The following ACOXL variants were observed in gnomAD, a reference collection of about 807,000 sequenced individuals.
ACOXL encodes the protein acyl-CoA oxidase like.
In ACOXL, 70 loss-of-function variants were observed where a neutral mutation model predicts 71.9. The observed-to-expected ratio is 0.97, with a 90% CI of 0.80 to 1.19. The LOEUF is 1.19. Ranked by LOEUF, ACOXL falls within the 50% of genes most tolerant of loss-of-function variation. The pLI is 0.00. For missense variants in ACOXL, 703 were observed against 736.3 expected (o/e 0.95, Z 0.52); for synonymous variants, 253 against 281.6 (o/e 0.90, Z 1.02).
chr2:110,915,378 G>A (rs866891566), intron 11 of ACOXL, among the ~76,000 whole-genome samples: 12 of 141,348 alleles, frequency 8.5e-5, no homozygotes, highest in East Asian at 2.1e-4. Flanking sequence ...GTGTGTGTGT[G>A]TGTATGTATG....
intron 10 of ACOXL, among the ~76,000 whole-genome samples, chr2:110,854,850 C>G (rs1025942383): frequency 6.6e-6 from 1 of 152,226 alleles, no homozygotes; most frequent in East Asian, 1.9e-4. Context: ...GCAGAGATTA[C>G]TGCTCTGCTC....
chr2:110,943,072 G>A (rs976556119), intron 12 of ACOXL, among the ~76,000 whole-genome samples: 6 of 136,166 alleles, frequency 4.4e-5, no homozygotes, highest in South Asian at 5.1e-4. Flanking sequence ...AAGAAGGAAG[G>A]AAGAAAAGAA....
chr2:110,812,631 TC>T (rs1687474874), intron 9 of ACOXL, among the ~76,000 whole-genome samples: 1 of 152,268 alleles, frequency 6.6e-6, no homozygotes, highest in African/African-American at 2.4e-5. Context: ...TAAACATTTC[TC>T]CTTAAAAGAT....
At chr2:110,891,383 T>C (rs892894877) in intron 10 of ACOXL, among the ~76,000 whole-genome samples, 3 of 152,130 alleles carry the variant, frequency 2.0e-5, no homozygotes, top group Admixed American at 2.0e-4. Context: ...TTTTTTTCCA[T>C]CATTTTACTT....
chr2:110,778,203 C>T (rs1682885986), intron 2 of ACOXL, among the ~76,000 whole-genome samples: 1 of 152,162 alleles, frequency 6.6e-6, no homozygotes, highest in African/African-American at 2.4e-5. Context: ...CTACCTTCTA[C>T]TGACGCTGTG....
chr2:111,059,480 C>T (rs1207988358), intron 16 of ACOXL, among the ~76,000 whole-genome samples: 2 of 152,146 alleles, frequency 1.3e-5, no homozygotes, highest in Non-Finnish European at 2.9e-5. Flanking sequence ...AAAAATAACA[C>T]CCAACCATAC....
At chr2:111,073,497 T>C (rs143149341) in intron 16 of ACOXL, among the ~76,000 whole-genome samples, 1 of 152,210 alleles carries the variant, frequency 6.6e-6, no homozygotes, top group Non-Finnish European at 1.5e-5. Flanking sequence ...AAATTGACTA[T>C]TGTGATATCT....
At chr2:110,858,556 T>C (rs1693550993) in intron 10 of ACOXL, among the ~76,000 whole-genome samples, 1 of 152,204 alleles carries the variant, frequency 6.6e-6, no homozygotes, top group African/African-American at 2.4e-5. Flanking sequence ...TGCCTGACAT[T>C]TGCTTCACAA....
chr2:111,113,916 A>G (rs2070160050), intron 17 of ACOXL, among the ~76,000 whole-genome samples: 1 of 152,248 alleles, frequency 6.6e-6, no homozygotes, highest in Non-Finnish European at 1.5e-5. Context: ...AGGAAATTAC[A>G]TTAATGGCTC....
intron 10 of ACOXL, among the ~76,000 whole-genome samples, chr2:110,902,249 C>G (rs2059267030): frequency 6.6e-6 from 1 of 152,146 alleles, no homozygotes; most frequent in Non-Finnish European, 1.5e-5. Flanking sequence ...GTGGGCAGAT[C>G]ACTTGAAGCC....
At chr2:110,897,265 A>C (rs1028049115) in intron 10 of ACOXL, among the ~76,000 whole-genome samples, 3 of 152,224 alleles carry the variant, frequency 2.0e-5, no homozygotes, top group Non-Finnish European at 4.4e-5. Flanking sequence ...AAATGTGCTA[A>C]ATGCATATAT....
intron 1 of ACOXL, among the ~76,000 whole-genome samples, chr2:110,767,987 C>A (rs1363498295): frequency 6.8e-6 from 1 of 148,130 alleles, no homozygotes; most frequent in African/African-American, 2.5e-5. Context: ...CACAAATTAG[C>A]TGGGCATGGT....
intron 12 of ACOXL, among the ~76,000 whole-genome samples, chr2:110,969,814 A>AG (rs1432945367): frequency 6.6e-6 from 1 of 151,906 alleles, no homozygotes; most frequent in Non-Finnish European, 1.5e-5. Flanking sequence ...TTGTCTCAAA[A>AG]AAAAAGAAAA....
chr2:110,824,090 T>TTAGGTTCTTG (rs1332799706), intron 9 of ACOXL, among the ~76,000 whole-genome samples: 1 of 152,208 alleles, frequency 6.6e-6, no homozygotes, highest in African/African-American at 2.4e-5. Context: ...CATTTTACAT[T>TTAGGTTCTTG]TAGGTTCTTG....
chr2:110,820,883 G>GAGGGTGGGAGAAGGTGT (rs1688514232), intron 9 of ACOXL, among the ~76,000 whole-genome samples: 1 of 152,180 alleles, frequency 6.6e-6, no homozygotes, highest in African/African-American at 2.4e-5. Flanking sequence ...CTCAGGAGAT[G>GAGGGTGGGAGAAGGTGT]AGGGTGGGAG....
At chr2:110,784,621 C>T in intron 2 of ACOXL, 111 bp from the exon 3 acceptor site, 1 of 747,080 alleles carries the variant, frequency 1.3e-6, no homozygotes, top group South Asian at 2.8e-5. Context: ...ACTGCTTTTA[C>T]TGTGTTTATT....
intron 10 of ACOXL, among the ~76,000 whole-genome samples, chr2:110,908,216 A>G (rs1404857627): frequency 1.3e-5 from 2 of 152,238 alleles, no homozygotes; most frequent in Non-Finnish European, 1.5e-5. Flanking sequence ...TTCACCTGAC[A>G]TAGCAGCCTC....
intron 16 of ACOXL, among the ~76,000 whole-genome samples, chr2:111,052,574 G>A (rs1475789500): frequency 6.6e-6 from 1 of 152,152 alleles, no homozygotes; most frequent in Non-Finnish European, 1.5e-5. Context: ...ATCAGGAGTT[G>A]CCTCTCAGAT....
At chr2:110,947,815 A>G (rs1230384986) in intron 12 of ACOXL, among the ~76,000 whole-genome samples, 1 of 152,256 alleles carries the variant, frequency 6.6e-6, no homozygotes, top group African/African-American at 2.4e-5. Context: ...ACTCAAGCCC[A>G]GCTGCTGGCC....
Sources: allele counts gnomAD v4.1 joint callset (sites outside exome capture counted in the v4.1 genomes callset), GRCh38; gene constraint gnomAD v4.1.1; transcripts MANE v1.5; gene names NCBI Gene and HGNC (gene_info 2026-07-23, HGNC 2026-07-21).